The following GRID2IP variants were observed in gnomAD, a reference collection of about 807,000 sequenced individuals.
GRID2IP encodes the protein Grid2 interacting protein, also known as delphilin.
A neutral mutation model predicts 114.3 loss-of-function variants in GRID2IP; 78 were observed. The ratio of observed to expected loss-of-function variants is 0.68; its 90% confidence interval spans 0.57 to 0.82. GRID2IP has a LOEUF of 0.82. GRID2IP is among the 40% of genes least tolerant of loss of function. The pLI is 0.00. For synonymous variants in GRID2IP, 809 were observed against 724.0 expected, an observed-to-expected ratio of 1.12 and a Z score of -1.89; for missense variants, 1,727 against 1,678.5, an observed-to-expected ratio of 1.03 and a Z score of -0.51.
intron 15 of GRID2IP, 40 bp from the exon 16 acceptor site, chr7:6,503,727 GCGGGGCCGGAT>G: frequency 7.1e-7 from 1 of 1,405,216 alleles, no homozygotes; most frequent in African/African-American, 1.5e-5. Flanking sequence ...CGGGGCCGGA[GCGGGGCCGGAT>G]GGGACCCAAG....
rs1253986972 is a variant in GRID2IP at position 6,534,500 on chromosome 7, C to A, written c.584+5218G>T. ...GTTGTGGTGAAGGAATAGGAGACCA[C>A]CTGCTTACATGGTGACCACGGACCC... On this transcript the variant is annotated intron_variant, in intron 2 of 21. Transcript: ENST00000457091. The surrounding 1 kb of genome is among the most constrained non-coding windows in gnomAD (Gnocchi z 4.5). Among the ~76,000 whole-genome samples, 1 of 152,156 alleles carries A rather than the reference C, an allele frequency of 6.6e-6. No individual in the cohort carries two copies. Among genetic ancestry groups the A allele is most frequent in the Non-Finnish European group, 1.5e-5 (1 of 68,030 alleles).
rs1348671685 is a variant in GRID2IP, at chr7:6,514,512, A to G, written c.1286T>C (p.Ile429Thr). 6.5e-7 allele frequency: 1 copy of G among 1,531,426 alleles called. No individual in the cohort carries two copies. The highest frequency in any genetic ancestry group is 2.0e-5 in the Admixed American group (1 of 48,878). The allele number at this position is 1,531,426 out of a possible 1,614,324, so 94.9% of individuals were successfully genotyped here. A position where few individuals can be genotyped will look rare whatever the true frequency, so the allele number is the denominator to read the frequency against. ...FFQHRNIDTL[I>T]VDVYPVLDTP... ...GTCCAGCACAGGGTAGACGTCAACGATGAGGGTGTCGATGTTCCTGGGGGA... is the reference window on the plus strand; with the variant it reads ...GTCCAGCACAGGGTAGACGTCAACGGTGAGGGTGTCGATGTTCCTGGGGGA... Residue 429 changes from isoleucine (I) to threonine (T), a missense_variant, in exon 8 of 22, where the codon ATC becomes ACC. Coordinates refer to ENST00000457091, the MANE Select transcript of GRID2IP (RefSeq NM_001145118.2).
Position 6,506,015 on chromosome 7 carries a change from A to G in GRID2IP, c.2545-108T>C, listed in dbSNP as rs1786574470. ...CCATAGGGGCTTCCCGAGCAAAAGC[A>G]CCCATCAGGTGCTGGGATAAAGCCC... On this transcript the variant is annotated intron_variant, in intron 13 of 21. Transcript: ENST00000457091. This position sits in a 1 kb window ranked among gnomAD's most constrained non-coding sequence, Gnocchi z 5.2. 7 of 705,048 alleles carry G rather than the reference A, an allele frequency of 9.9e-6. No individual in the cohort carries two copies. In the East Asian group the frequency reaches 1.9e-4, roughly 19 times the overall value. 43.7% of individuals were successfully genotyped at this position (705,048 alleles called of 1,614,324 possible).
chr7:6,543,883 A>G (rs892308234), intron 1 of GRID2IP, among the ~76,000 whole-genome samples: 3 of 151,612 alleles, frequency 2.0e-5, no homozygotes, highest in Non-Finnish European at 4.4e-5. Context: ...TGCAACCTCC[A>G]CCTCCTGAGT....
chr7:6,508,042 G>A lies in GRID2IP; in HGVS notation c.2487C>T (p.Ser829=), dbSNP rs1210468513. 1.3e-5 allele frequency: 20 copies of A among 1,549,202 alleles called. No individual in the cohort carries two copies. The highest frequency in any genetic ancestry group is 1.7e-5 in the Non-Finnish European group (20 of 1,146,664). Residue 829 remains serine, a synonymous_variant, in exon 13 of 22, where the codon AGC becomes AGT. Coordinates refer to ENST00000457091, the MANE Select transcript of GRID2IP (RefSeq NM_001145118.2). This position sits in a 1 kb window ranked among gnomAD's most constrained non-coding sequence, Gnocchi z 5.6. ...GHRRSETSHM[S]VKRLRWEQVE... is the part of the protein sequence containing the mutation. ...CCTGTTCCCACCGCAAGCGCTTGAC[G>A]CTCATGTGGCTGGTCTCACTGCGCC...
chr7:6,510,321 C>T lies in GRID2IP; in HGVS notation c.1733G>A (p.Arg578Gln), dbSNP rs917780844. 34 of 1,547,704 alleles carry T rather than the reference C, an allele frequency of 2.2e-5. No homozygotes were observed. The highest frequency in any genetic ancestry group is 1.2e-4 in the Admixed American group (6 of 50,112). ...KGKMGTVSKSRASPPGPSPAV... is the reference protein window; with the variant it reads ...KGKMGTVSKSQASPPGPSPAV... Reference sequence around the variant, plus strand: ...TGGGCTGGGGCCTGGAGGGGAAGCCCGGGATTTGGACACGGTCCCCATCTT... The same window carrying T: ...TGGGCTGGGGCCTGGAGGGGAAGCCTGGGATTTGGACACGGTCCCCATCTT... Residue 578 changes from arginine (R) to glutamine (Q), a missense_variant, in exon 11 of 22, where the codon CGG becomes CAG. Coordinates refer to ENST00000457091, the MANE Select transcript of GRID2IP (RefSeq NM_001145118.2).
In GRID2IP at chr7:6,551,352, C is replaced by G. The variant is rs1392249890; in HGVS notation, c.85G>C (p.Val29Leu). ...CTGCTCCCCTTGGCCACCTCCAGGACGAAGCAGGGGCCAGAGCCACCTAGC... is the reference window on the plus strand; with the variant it reads ...CTGCTCCCCTTGGCCACCTCCAGGAGGAAGCAGGGGCCAGAGCCACCTAGC... ...FRLGGSGPCFVLEVAKGSSAH... is the reference protein window; with the variant it reads ...FRLGGSGPCFLLEVAKGSSAH... The change falls in exon 1 of 22, where the codon GTC (valine) becomes CTC (leucine). Residue 29 changes from valine (V) to leucine (L), a missense_variant. By Grantham distance (32) the Val-to-Leu change is conservative. Coordinates refer to ENST00000457091, the MANE Select transcript of GRID2IP (RefSeq NM_001145118.2). The G allele has an allele frequency of 6.5e-7, 1 of 1,548,908 alleles. No homozygotes were observed. The highest frequency in any genetic ancestry group is 2.4e-5 in the East Asian group (1 of 40,870).
chr7:6,529,349 G>A (rs1230895834), intron 2 of GRID2IP, among the ~76,000 whole-genome samples: 2 of 152,122 alleles, frequency 1.3e-5, no homozygotes, highest in Non-Finnish European at 1.5e-5. Flanking sequence ...TACTCAGGAG[G>A]CTGAGGCACG....
At chr7:6,548,644 T>C (rs1321269645) in intron 1 of GRID2IP, among the ~76,000 whole-genome samples, 2 of 151,884 alleles carry the variant, frequency 1.3e-5, no homozygotes, top group African/African-American at 4.8e-5. Context: ...AAGACCAGCC[T>C]GACCAATATG....
intron 11 of GRID2IP, 99 bp downstream of exon 11, chr7:6,510,184 G>C (rs1306922759): frequency 5.4e-6 from 4 of 743,170 alleles, no homozygotes; most frequent in Non-Finnish European, 8.6e-6. Flanking sequence ...GAGGGACTGG[G>C]ACAACCCTGA....
At position 6,502,848 on chromosome 7, in the gene GRID2IP, G is replaced by T. The variant is rs1324980096; in HGVS notation, c.3088C>A (p.Leu1030Ile). 1 of 1,551,990 alleles carries T rather than the reference G, an allele frequency of 6.4e-7. No individual in the cohort carries two copies. Among genetic ancestry groups the T allele is most frequent in the East Asian group, 2.4e-5 (1 of 40,918 alleles). The change falls in exon 18 of 22, where the codon CTC becomes ATC. Residue 1030 changes from leucine (L) to isoleucine (I), a missense_variant. Physicochemically the swap from Leu to Ile is conservative, Grantham distance 5. Transcript: ENST00000457091. ...LEFVLAMGNY[L>I]NDGQPKTNKT... ...TTGGTTTTGGGCTGTCCATCGTTGA[G>T]ATAGTTGCCCATGGCCAACACAAAC...
At chr7:6,505,707 T>A (rs1162075130) in intron 14 of GRID2IP, 113 bp downstream of exon 14, 1 of 690,812 alleles carries the variant, frequency 1.4e-6, no homozygotes, top group Non-Finnish European at 2.6e-6. Context: ...ACTGAAGGCT[T>A]GAGGACGCAT....
chr7:6,550,976 T>TGCCCCCCC, intron 1 of GRID2IP, 32 bp downstream of exon 1: 1 of 1,015,788 alleles, frequency 9.8e-7, no homozygotes, highest in Non-Finnish European at 1.2e-6. Flanking sequence ...GCCCCCTCCT[T>TGCCCCCCC]CCCGCCCCCA....
rs544576728 is a variant in GRID2IP, at chr7:6,525,579, A to C, written c.919+645T>G. Among the ~76,000 whole-genome samples the C allele has an allele frequency of 1.7e-3, 259 of 151,998 alleles. 4 individuals are homozygous for C. The highest frequency in any genetic ancestry group is 1.3e-3 in the Non-Finnish European group (85 of 67,964). On this transcript the variant is annotated intron_variant, in intron 4 of 21. Coordinates refer to ENST00000457091, the MANE Select transcript of GRID2IP (RefSeq NM_001145118.2). ...AGCCTCGGAGATGGAGGTTGCAATG[A>C]GCCAAGATTGCACCACTGCACTCCA...
Position 6,520,439 on chromosome 7 carries a change from G to A in GRID2IP, c.1268+139C>T. ...AATTGCCCACCACCCTGGGGCCCCT[G>A]ATACCAGCAGCCACCTTCCTGAGCA... On this transcript the variant is annotated intron_variant, in intron 7 of 21. Transcript: ENST00000457091. The surrounding 1 kb of genome is among the most constrained non-coding windows in gnomAD (Gnocchi z 4.6). 1.0e-6 allele frequency: 1 copy of A among 981,562 alleles called. No homozygotes were observed. The highest frequency in any genetic ancestry group is 1.5e-6 in the Non-Finnish European group (1 of 685,718). 60.8% of individuals were successfully genotyped at this position (981,562 alleles called of 1,614,324 possible).
intron 4 of GRID2IP, among the ~76,000 whole-genome samples, chr7:6,522,501 T>A (rs1779430988): frequency 7.0e-6 from 1 of 142,704 alleles, no homozygotes. Flanking sequence ...TTTTCTGTAT[T>A]TTTTTTTTTT....
At chr7:6,541,494 A>T (rs754058163) in intron 1 of GRID2IP, among the ~76,000 whole-genome samples, 8 of 152,232 alleles carry the variant, frequency 5.3e-5, no homozygotes, top group Admixed American at 3.9e-4. Context: ...TCTCTCTCCA[A>T]ACTTTTGTCT....
intron 2 of GRID2IP, among the ~76,000 whole-genome samples, chr7:6,539,114 G>C (rs972214050): frequency 6.8e-6 from 1 of 148,148 alleles, no homozygotes; most frequent in African/African-American, 2.5e-5. Flanking sequence ...TTTTGGGGTG[G>C]AGCAGGGCAG....
In GRID2IP at chr7:6,502,024, G is replaced by C; in HGVS notation, c.3245C>G (p.Ala1082Gly). The C allele has an allele frequency of 6.4e-7, 1 of 1,551,350 alleles. No individual in the cohort carries two copies. The highest frequency in any genetic ancestry group is 1.2e-5 in the South Asian group (1 of 84,036). Residue 1082 changes from alanine (A) to glycine (G), a missense_variant, in exon 19 of 22, where the codon GCT becomes GGT. Physicochemically the swap from Ala to Gly is moderately conservative, Grantham distance 60 (BLOSUM62 0). Coordinates refer to ENST00000457091, the MANE Select transcript of GRID2IP (RefSeq NM_001145118.2). ...CAGGGGCACGGTGGGCAGGTCCTGAGCAAAGCCCAGGAGTTCAGGGAAGTG... is the reference window on the plus strand; with the variant it reads ...CAGGGGCACGGTGGGCAGGTCCTGACCAAAGCCCAGGAGTTCAGGGAAGTG... ...SQHFPELLGF[A>G]QDLPTVPLAA...
Sources: allele counts gnomAD v4.1 joint callset (sites outside exome capture counted in the v4.1 genomes callset), GRCh38; gene constraint gnomAD v4.1.1; non-coding constraint Gnocchi (gnomAD v3.1); transcripts MANE v1.5; gene names NCBI Gene and HGNC (gene_info 2026-07-23, HGNC 2026-07-21).